The following TBCD variants were observed in gnomAD, a reference collection of about 807,000 sequenced individuals.
TBCD encodes the protein tubulin-specific chaperone D.
A neutral mutation model predicts 169.3 loss-of-function variants in TBCD; 105 were observed. The ratio of observed to expected loss-of-function variants is 0.62; its 90% CI spans 0.53 to 0.73. The LOEUF is 0.73. TBCD is among the 30% of genes least tolerant of loss of function. The pLI is 0.00. For synonymous variants in TBCD, 700 were observed against 643.9 expected (o/e 1.09, Z -1.32); for missense variants, 1,444 against 1,600.1 (o/e 0.90, Z 1.66).
At chr17:82,830,146 G>A in intron 13 of TBCD, 1 of 1,613,680 alleles carries the variant, frequency 6.2e-7, no homozygotes, top group African/African-American at 1.3e-5. Flanking sequence ...CCGGCGTTAG[G>A]ACACCCGGGC....
At position 82,885,641 on chromosome 17, in the gene TBCD, CTTAAA is replaced by C. The variant is rs1357327816; in HGVS notation, c.1533+1444_1533+1448del. On this transcript the variant is annotated intron_variant, in intron 15 of 38. Transcript: ENST00000355528. ...AATACAATTTTATGTTAAATCTGTACTTAAATTAAGCTTTTAGATTTTCTTTACTG... is the reference window on the plus strand; with the variant it reads ...AATACAATTTTATGTTAAATCTGTACTTAAGCTTTTAGATTTTCTTTACTG... Among the ~76,000 whole-genome samples, 10 of 152,224 alleles carry C rather than the reference CTTAAA, an allele frequency of 6.6e-5. No homozygotes were observed. In the East Asian group the frequency reaches 1.7e-3, roughly 26 times the overall value.
chr17:82,762,736 G>A (rs2047829106), intron 2 of TBCD, among the ~76,000 whole-genome samples: 1 of 151,598 alleles, frequency 6.6e-6, no homozygotes, highest in Non-Finnish European at 1.5e-5. Flanking sequence ...GTCACAGAGT[G>A]AGACTCTGTC....
chr17:82,859,902 T>C, intron 13 of TBCD: 1 of 985,164 alleles, frequency 1.0e-6, no homozygotes, highest in Non-Finnish European at 1.2e-6. Context: ...AGGCTTGTCA[T>C]TGTGCACTGG....
chr17:82,830,796 G>C (rs774674189), intron 13 of TBCD: 3 of 1,613,588 alleles, frequency 1.9e-6, no homozygotes, highest in South Asian at 2.2e-5. Flanking sequence ...CGGAGCTGTC[G>C]TCCGGACTGG....
In TBCD at chr17:82,814,916, C is replaced by A. The variant is rs747895090; in HGVS notation, c.1300C>A (p.Pro434Thr). Residue 434 changes from proline to threonine, a missense_variant, in exon 13 of 39, where the codon CCG (proline) becomes ACG (threonine). By Grantham distance (38) the Pro-to-Thr change is conservative. Transcript: ENST00000355528. Reference sequence around the variant, plus strand: ...GCTGGGCAGGAGAGGCCTGTTGCTGCCGTCTCGACTCGTGGATGGTGAGTA... The same window carrying A: ...GCTGGGCAGGAGAGGCCTGTTGCTGACGTCTCGACTCGTGGATGGTGAGTA... ...AELGRRGLLL[P>T]SRLVDVVAVI... The A allele has an allele frequency of 6.2e-7, 1 of 1,612,074 alleles. No individual in the cohort carries two copies. Among genetic ancestry groups the A allele is most frequent in the South Asian group, 1.1e-5 (1 of 90,818 alleles).
intron 14 of TBCD, among the ~76,000 whole-genome samples, chr17:82,882,204 G>A (rs915527546): frequency 2.0e-5 from 3 of 152,368 alleles, no homozygotes; most frequent in Non-Finnish European, 4.4e-5. Flanking sequence ...CTTGTTTGCT[G>A]TGGGCTCACC....
At chr17:82,781,274 CG>C (rs2048927647) in intron 6 of TBCD, among the ~76,000 whole-genome samples, 1 of 45,092 alleles carries the variant, frequency 2.2e-5, no homozygotes, top group Non-Finnish European at 4.2e-5. Context: ...GGCTCCCTGG[CG>C]GTGATGGGGA....
intron 3 of TBCD, among the ~76,000 whole-genome samples, chr17:82,764,735 G>A (rs1476800174): frequency 6.6e-6 from 1 of 152,150 alleles, no homozygotes; most frequent in Non-Finnish European, 1.5e-5. Flanking sequence ...TCTAGGCGGG[G>A]GTCTCATAGT....
chr17:82,769,256 C>T (rs2048180779), intron 5 of TBCD, among the ~76,000 whole-genome samples: 1 of 152,170 alleles, frequency 6.6e-6, no homozygotes, highest in Admixed American at 6.5e-5. Context: ...CCACCTGGGC[C>T]CCTCCAACTT....
intron 37 of TBCD, among the ~76,000 whole-genome samples, chr17:82,940,836 G>A (rs529172851): frequency 1.2e-4 from 19 of 152,212 alleles, no homozygotes; most frequent in Admixed American, 9.8e-4. Flanking sequence ...CAGGTGTCCC[G>A]AGCGGGGCGA....
intron 23 of TBCD, among the ~76,000 whole-genome samples, chr17:82,914,698 A>G (rs1359120360): frequency 1.3e-5 from 2 of 152,052 alleles, no homozygotes; most frequent in Non-Finnish European, 2.9e-5. Context: ...CTCCTTGTGC[A>G]GCTCCTTCCC....
At chr17:82,763,066 G>C (rs963552343) in intron 2 of TBCD, among the ~76,000 whole-genome samples, 1 of 152,148 alleles carries the variant, frequency 6.6e-6, no homozygotes, top group Admixed American at 6.6e-5. Flanking sequence ...TAAATGTCAC[G>C]TAAGTAAGGT....
At chr17:82,757,377 T>G (rs1306635361) in intron 2 of TBCD, among the ~76,000 whole-genome samples, 1 of 152,028 alleles carries the variant, frequency 6.6e-6, no homozygotes, top group East Asian at 1.9e-4. Flanking sequence ...TCCCAGCACT[T>G]TGGGAGGTGG....
At chr17:82,929,982 G>T in intron 32 of TBCD, 1 of 296,024 alleles carries the variant, frequency 3.4e-6, no homozygotes, top group Non-Finnish European at 6.5e-6. Context: ...CCTGCACCTT[G>T]GGTCATGACC....
At chr17:82,790,072 T>TG (rs2144484683) in intron 7 of TBCD, among the ~76,000 whole-genome samples, 1 of 152,300 alleles carries the variant, frequency 6.6e-6, no homozygotes, top group East Asian at 1.9e-4. Context: ...CACCCTGTCC[T>TG]GGGGGTCCTT....
At chr17:82,792,079 G>A (rs577807323) in intron 7 of TBCD, among the ~76,000 whole-genome samples, 1 of 152,340 alleles carries the variant, frequency 6.6e-6, no homozygotes, top group East Asian at 1.9e-4. Flanking sequence ...GGAGGCCGAG[G>A]CGGGTGGATC....
chr17:82,758,248 G>T (rs1230091522), intron 2 of TBCD, among the ~76,000 whole-genome samples: 1 of 151,290 alleles, frequency 6.6e-6, no homozygotes, highest in Non-Finnish European at 1.5e-5. Context: ...AATTAGCCGC[G>T]TGTGGTGCAC....
chr17:82,848,762 T>C (rs1223050459), intron 13 of TBCD, among the ~76,000 whole-genome samples: 1 of 152,204 alleles, frequency 6.6e-6, no homozygotes, highest in Non-Finnish European at 1.5e-5. Context: ...TGATCCCTTC[T>C]CATCCTCTCT....
Position 82,870,315 on chromosome 17 carries a change from G to A in TBCD, c.1410G>A (p.Val470=). Residue 470 remains valine, a synonymous_variant, in exon 14 of 39, where the codon GTG becomes GTA. Coordinates refer to ENST00000355528, the MANE Select transcript of TBCD (RefSeq NM_005993.5). ...ACGTCAGGGACGCCGCCTGCTACGT[G>A]TGCTGGGCCTTCGCGCGTGCCTATG... ...GTNVRDAACY[V]CWAFARAYEP... The A allele has an allele frequency of 6.2e-7, 1 of 1,613,626 alleles. No individual in the cohort carries two copies. Among genetic ancestry groups the A allele is most frequent in the Non-Finnish European group, 8.5e-7 (1 of 1,179,896 alleles).
Sources: allele counts gnomAD v4.1 joint callset (sites outside exome capture counted in the v4.1 genomes callset), GRCh38; gene constraint gnomAD v4.1.1; transcripts MANE v1.5; gene names NCBI Gene and HGNC (gene_info 2026-07-23, HGNC 2026-07-21).